The following IP6K2 variants were observed in gnomAD, a reference collection of about 807,000 sequenced individuals.
The protein encoded by IP6K2 is inositol hexakisphosphate kinase 2, also known as ATP:1D-myo-inositol-hexakisphosphate phosphotransferase.
IP6K2 carries 9 observed loss-of-function variants against 43.3 expected under a neutral mutation model. That is an observed-to-expected ratio of 0.21 (90% CI 0.13 to 0.36). The LOEUF is 0.36. Among genes scored for constraint, IP6K2 ranks in the 10% least tolerant of loss-of-function variants. The pLI, the probability that IP6K2 is intolerant of heterozygous loss-of-function variation, is 1.00. For missense variants in IP6K2, 332 were observed against 538.4 expected, an observed-to-expected ratio of 0.62 and a Z score of 3.79; for synonymous variants, 209 against 202.4, an observed-to-expected ratio of 1.03 and a Z score of -0.28.
chr3:48,693,244 G>A, intron 2 of IP6K2, 65 bp from the exon 3 acceptor site: 1 of 1,394,672 alleles, frequency 7.2e-7, no homozygotes, highest in Non-Finnish European at 1.0e-6. Flanking sequence ...TAAGTAACAT[G>A]ATTGTAACAT....
At position 48,696,606 on chromosome 3, in the gene IP6K2, A is replaced by G. The variant is rs6800784; in HGVS notation, c.-130-1185T>C. ...TGTTAACCAGTTCAGGCCATCTCACACTCATTATCTGTTTTGTCTAATTTA... is the reference window on the plus strand; with the variant it reads ...TGTTAACCAGTTCAGGCCATCTCACGCTCATTATCTGTTTTGTCTAATTTA... On this transcript the variant is annotated intron_variant, in intron 1 of 5. Transcript: ENST00000328631. 5.5e-3 allele frequency among the ~76,000 whole-genome samples: 832 copies of G among 152,102 alleles called. 6 individuals carry two copies. The highest frequency in any genetic ancestry group is 0.019 in the African/African-American group (799 of 41,462).
At chr3:48,697,298 C>T (rs1011734513) in intron 1 of IP6K2, among the ~76,000 whole-genome samples, 10 of 151,382 alleles carry the variant, frequency 6.6e-5, no homozygotes, top group African/African-American at 9.7e-5. Context: ...GGATTACAGG[C>T]GTGAGCCACC....
rs867350007 is a variant in IP6K2 at position 48,692,765 on chromosome 3, A to G, written c.428+189T>C. ...GCTGCCAGTGCAGCTGTTTGCCCAA[A>G]CTGGCATGATCTAACCAGAGTCAAT... On this transcript the variant is annotated intron_variant, in intron 3 of 5. Coordinates refer to ENST00000328631, the MANE Select transcript of IP6K2 (RefSeq NM_016291.4). Among the ~76,000 whole-genome samples, 3 of 152,210 alleles carry G rather than the reference A, an allele frequency of 2.0e-5. No individual in the cohort carries two copies. In the South Asian group the frequency reaches 6.2e-4, roughly 32 times the overall value.
chr3:48,688,076 A>C lies in IP6K2; in HGVS notation c.*197T>G. 1 of 608,652 alleles carries C rather than the reference A, an allele frequency of 1.6e-6. No homozygotes were observed. Among genetic ancestry groups the C allele is most frequent in the Non-Finnish European group, 2.9e-6 (1 of 342,004 alleles). 37.7% of individuals were successfully genotyped at this position (608,652 alleles called of 1,614,324 possible). A position where few individuals can be genotyped will look rare whatever the true frequency, so the allele number is the denominator to read the frequency against. Reference sequence around the variant, plus strand: ...AAGAGGTATCATCATCAAATGTGGAATGTTGAAGAAATAGTTAAAATAAAT... The same window carrying C: ...AAGAGGTATCATCATCAAATGTGGACTGTTGAAGAAATAGTTAAAATAAAT... On this transcript the variant is annotated 3_prime_UTR_variant, in exon 6 of 6. Transcript: ENST00000328631. The surrounding 1 kb of genome is among the most constrained non-coding windows in gnomAD (Gnocchi z 5.1).
At chr3:48,690,858 C>A (rs1305147013) in intron 4 of IP6K2, among the ~76,000 whole-genome samples, 1 of 151,868 alleles carries the variant, frequency 6.6e-6, no homozygotes, top group Admixed American at 6.6e-5. Context: ...ACAAATATTT[C>A]CTTATGCACA....
At chr3:48,696,958 A>G (rs986013460) in intron 1 of IP6K2, among the ~76,000 whole-genome samples, 4 of 152,110 alleles carry the variant, frequency 2.6e-5, no homozygotes, top group Non-Finnish European at 1.5e-5. Flanking sequence ...ACTTCTCCCA[A>G]GTGAACCCCA....
At position 48,713,724 on chromosome 3, in the gene IP6K2, G is replaced by T. The variant is rs185284669; in HGVS notation, c.-131+3433C>A. 3.5e-3 allele frequency among the ~76,000 whole-genome samples: 526 copies of T among 151,810 alleles called. 5 individuals are homozygous for T. Among genetic ancestry groups the T allele is most frequent in the Non-Finnish European group, 5.1e-3 (346 of 67,932 alleles). ...TGTAATCCCAGCTACTCGGGAGGCT[G>T]AGGTTGCAGTGAGCCGAGATCACAC... On this transcript the variant is annotated intron_variant, in intron 1 of 5. Coordinates refer to ENST00000328631, the MANE Select transcript of IP6K2 (RefSeq NM_016291.4).
chr3:48,714,824 G>A (rs2081006546), intron 1 of IP6K2, among the ~76,000 whole-genome samples: 1 of 136,152 alleles, frequency 7.3e-6, no homozygotes, highest in African/African-American at 2.9e-5. Context: ...CTTCAGCCTG[G>A]GCGACAGAGA....
At chr3:48,708,123 T>C (rs1433237891) in intron 1 of IP6K2, 2 of 151,822 alleles carry the variant, frequency 1.3e-5, no homozygotes, top group Non-Finnish European at 1.5e-5. Flanking sequence ...CGCATACCTG[T>C]GGTCCCAGCT....
chr3:48,693,522 T>C, intron 2 of IP6K2: 1 of 1,231,046 alleles, frequency 8.1e-7, no homozygotes, highest in Non-Finnish European at 1.0e-6. Context: ...ACATTGCTCT[T>C]TATAGTTTGC....
chr3:48,695,612 C>T lies in IP6K2; in HGVS notation c.-130-191G>A. On this transcript the variant is annotated intron_variant, in intron 1 of 5. Coordinates refer to ENST00000328631, the MANE Select transcript of IP6K2 (RefSeq NM_016291.4). This position sits in a 1 kb window ranked among gnomAD's most constrained non-coding sequence, Gnocchi z 4.6. ...ACAAAAACACTATGAGCTCATGGGGCGGGGTTAGATGCAGACAGGCAGGGA... is the reference window on the plus strand; with the variant it reads ...ACAAAAACACTATGAGCTCATGGGGTGGGGTTAGATGCAGACAGGCAGGGA... 3.1e-6 allele frequency: 2 copies of T among 653,224 alleles called. No individual in the cohort carries two copies. The highest frequency in any genetic ancestry group is 4.8e-4 in the Middle Eastern group (1 of 2,080). 40.5% of individuals were successfully genotyped at this position (653,224 alleles called of 1,614,324 possible). A position where few individuals can be genotyped will look rare whatever the true frequency, so the allele number is the denominator to read the frequency against.
At chr3:48,716,707 C>A (rs1222699256) in intron 1 of IP6K2, among the ~76,000 whole-genome samples, 1 of 152,140 alleles carries the variant, frequency 6.6e-6, no homozygotes, top group East Asian at 1.9e-4. Flanking sequence ...GTACCTGAGG[C>A]GCTGAGCTGA....
At chr3:48,711,112 C>T (rs9877542) in intron 1 of IP6K2, among the ~76,000 whole-genome samples, 21,451 of 152,018 alleles carry the variant, frequency 0.14, 1,740 homozygotes, top group African/African-American at 0.23. Flanking sequence ...GGTTTCGCCA[C>T]GTTGCCCAGG....
At chr3:48,696,667 G>A (rs902903023) in intron 1 of IP6K2, among the ~76,000 whole-genome samples, 1 of 152,150 alleles carries the variant, frequency 6.6e-6, no homozygotes, top group African/African-American at 2.4e-5. Flanking sequence ...TACTTACAGG[G>A]CTTGAGTTAC....
intron 2 of IP6K2, chr3:48,694,519 A>C: frequency 6.5e-7 from 1 of 1,535,038 alleles, no homozygotes; most frequent in Non-Finnish European, 8.8e-7. Context: ...GTGGCTGCTG[A>C]TGTCCCCTAT....
At chr3:48,697,158 C>A (rs1490864417) in intron 1 of IP6K2, among the ~76,000 whole-genome samples, 1 of 151,702 alleles carries the variant, frequency 6.6e-6, no homozygotes, top group African/African-American at 2.4e-5. Context: ...GTAGCTGGGA[C>A]TACAGGCGCC....
At chr3:48,712,448 G>A (rs531383455) in intron 1 of IP6K2, among the ~76,000 whole-genome samples, 32 of 151,664 alleles carry the variant, frequency 2.1e-4, no homozygotes, top group East Asian at 2.0e-3. Context: ...GGGTTTCACC[G>A]TGTTAGCCAG....
Position 48,695,388 on chromosome 3 carries a change from T to C in IP6K2, c.-97A>G, listed in dbSNP as rs774283746. 1 of 1,459,618 alleles carries C rather than the reference T, an allele frequency of 6.9e-7. No homozygotes were observed. Among genetic ancestry groups the C allele is most frequent in the Non-Finnish European group, 9.1e-7 (1 of 1,104,842 alleles). The allele number at this position is 1,459,618 out of a possible 1,614,324, so 90.4% of individuals were successfully genotyped here. On this transcript the variant is annotated 5_prime_UTR_variant, in exon 2 of 6. Coordinates refer to ENST00000328631, the MANE Select transcript of IP6K2 (RefSeq NM_016291.4). The surrounding 1 kb of genome is among the most constrained non-coding windows in gnomAD (Gnocchi z 4.6). ...GTTTGTCCGTGTGTCCCTCTCGTCT[T>C]GGCTCCTTGGCTTGTTCTGGCCAGG...
At position 48,688,360 on chromosome 3, in the gene IP6K2, C is replaced by T. The variant is rs904382016; in HGVS notation, c.1194G>A (p.Val398=). ...TATAGCCAGCATCCTGGCCCTCATGCACCACGGTGTCCTCGCCATACAGCC... is the reference window on the plus strand; with the variant it reads ...TATAGCCAGCATCCTGGCCCTCATGTACCACGGTGTCCTCGCCATACAGCC... ...TCRLYGEDTV[V]HEGQDAGYIF... The change falls in exon 6 of 6, where the codon GTG becomes GTA. Residue 398 remains valine, a synonymous_variant. Coordinates refer to ENST00000328631, the MANE Select transcript of IP6K2 (RefSeq NM_016291.4). This position sits in a 1 kb window ranked among gnomAD's most constrained non-coding sequence, Gnocchi z 5.1. 6.2e-7 allele frequency: 1 copy of T among 1,614,134 alleles called. No homozygotes were observed.
Sources: allele counts gnomAD v4.1 joint callset (sites outside exome capture counted in the v4.1 genomes callset), GRCh38; gene constraint gnomAD v4.1.1; non-coding constraint Gnocchi (gnomAD v3.1); transcripts MANE v1.5; gene names NCBI Gene and HGNC (gene_info 2026-07-23, HGNC 2026-07-21).